KCNQ5: variants seen among roughly 807,000 people sequenced by gnomAD.
KCNQ5 encodes the protein potassium voltage-gated channel subfamily KQT member 5.
In KCNQ5, 30 loss-of-function variants were observed where a neutral mutation model predicts 98.2. That is an observed-to-expected ratio of 0.31 (90% CI 0.23 to 0.41). KCNQ5 has a LOEUF of 0.41. Ranked by LOEUF, KCNQ5 falls within the 10% of genes least tolerant of loss-of-function variation. KCNQ5 has a pLI of 1.00. For missense variants in KCNQ5, 835 were observed against 1,182.5 expected (o/e 0.71, Z 4.31); for synonymous variants, 458 against 449.4 (o/e 1.02, Z -0.24).
At chr6:72,787,026 A>T (rs867815159) in intron 1 of KCNQ5, among the ~76,000 whole-genome samples, 1 of 149,156 alleles carries the variant, frequency 6.7e-6, no homozygotes, top group Non-Finnish European at 1.5e-5. Flanking sequence ...AAAAAAAAAA[A>T]AAAGAAATGA....
intron 1 of KCNQ5, among the ~76,000 whole-genome samples, chr6:72,735,038 G>C (rs992600456): frequency 2.6e-5 from 4 of 152,160 alleles, no homozygotes; most frequent in African/African-American, 9.7e-5. Context: ...AAGGCCATTG[G>C]TTAGAAGAGA....
chr6:73,139,742 C>T (rs1244247203), intron 10 of KCNQ5, among the ~76,000 whole-genome samples: 2 of 152,114 alleles, frequency 1.3e-5, no homozygotes, highest in East Asian at 1.9e-4. Context: ...ATAATCCTTC[C>T]TCACATACAG....
chr6:73,063,721 T>TA (rs1554203585), intron 3 of KCNQ5, among the ~76,000 whole-genome samples: 23,979 of 93,394 alleles, frequency 0.26, 3,231 homozygotes, highest in African/African-American at 0.34. Flanking sequence ...GATAGATAGA[T>TA]GATAGATAGA....
At chr6:72,697,272 T>C (rs1159071462) in intron 1 of KCNQ5, among the ~76,000 whole-genome samples, 1 of 152,166 alleles carries the variant, frequency 6.6e-6, no homozygotes, top group African/African-American at 2.4e-5. Flanking sequence ...TTTATCCTAA[T>C]CTTACCAATT....
At position 73,166,876 on chromosome 6, in the gene KCNQ5, T is replaced by C. The variant is rs1777825067; in HGVS notation, c.1469-2870T>C. On this transcript the variant is annotated intron_variant, in intron 10 of 13. Coordinates refer to ENST00000370398, the MANE Select transcript of KCNQ5 (RefSeq NM_019842.4). ...GTCCCTATGTCTTTGCCTTTTCTGT[T>C]TCATAAAGACATTTTTGCTGCATTT... 2.6e-5 allele frequency among the ~76,000 whole-genome samples: 4 copies of C among 152,226 alleles called. 1 individual carries two copies. The highest frequency in any genetic ancestry group is 9.7e-5 in the African/African-American group (4 of 41,442).
chr6:73,143,875 C>A (rs1776817359), intron 10 of KCNQ5, among the ~76,000 whole-genome samples: 1 of 152,132 alleles, frequency 6.6e-6, no homozygotes, highest in Non-Finnish European at 1.5e-5. Flanking sequence ...TGGGTGACGT[C>A]CAAAATTCGC....
intron 1 of KCNQ5, among the ~76,000 whole-genome samples, chr6:72,629,961 C>T (rs551719715): frequency 6.6e-6 from 1 of 151,770 alleles, no homozygotes; most frequent in African/African-American, 2.4e-5. Context: ...AGTGAGCTTC[C>T]CAAATGTTAT....
Position 72,622,267 on chromosome 6 carries a change from G to A in KCNQ5, c.78G>A (p.Ala26=). ...LWVKSGAAAA[A]AGGGRLGSGM... ...TGAAGAGCGGCGCAGCGGCGGCGGCGGCGGGCGGGGGGCGCTTGGGCAGCG... is the reference window on the plus strand; with the variant it reads ...TGAAGAGCGGCGCAGCGGCGGCGGCAGCGGGCGGGGGGCGCTTGGGCAGCG... Residue 26 remains alanine (A), a synonymous_variant, in exon 1 of 14, where the codon GCG becomes GCA. Transcript: ENST00000370398. The surrounding 1 kb of genome is among the most constrained non-coding windows in gnomAD (Gnocchi z 6.0). The A allele has an allele frequency of 7.9e-7, 1 of 1,269,702 alleles. No individual in the cohort carries two copies. The highest frequency in any genetic ancestry group is 9.9e-7 in the Non-Finnish European group (1 of 1,011,860). 78.7% of individuals were successfully genotyped at this position (1,269,702 alleles called of 1,614,324 possible).
intron 6 of KCNQ5, among the ~76,000 whole-genome samples, chr6:73,110,113 A>C (rs1368498723): frequency 6.6e-6 from 1 of 152,214 alleles, no homozygotes; most frequent in Non-Finnish European, 1.5e-5. Context: ...CTACTCTAAA[A>C]ATAAAAAGAA....
At chr6:72,892,496 G>A (rs1779095951) in intron 1 of KCNQ5, among the ~76,000 whole-genome samples, 1 of 152,160 alleles carries the variant, frequency 6.6e-6, no homozygotes, top group Non-Finnish European at 1.5e-5. Context: ...CTTCACTACA[G>A]ATGTACCTCT....
At chr6:72,818,778 T>C (rs950873882) in intron 1 of KCNQ5, among the ~76,000 whole-genome samples, 1 of 151,180 alleles carries the variant, frequency 6.6e-6, no homozygotes, top group Non-Finnish European at 1.5e-5. Flanking sequence ...AATTTAAATT[T>C]TTAAGTTTTA....
chr6:73,099,709 A>G (rs1774680142), intron 5 of KCNQ5, among the ~76,000 whole-genome samples: 1 of 152,224 alleles, frequency 6.6e-6, no homozygotes, highest in African/African-American at 2.4e-5. Context: ...AAAGAGAGAG[A>G]CATACCCCAA....
intron 1 of KCNQ5, among the ~76,000 whole-genome samples, chr6:72,751,591 T>G (rs1462874753): frequency 1.3e-5 from 2 of 152,106 alleles, no homozygotes; most frequent in Non-Finnish European, 2.9e-5. Context: ...ATATCATCAC[T>G]TTAATATAGC....
At chr6:72,987,089 G>T in intron 1 of KCNQ5, 1 of 675,086 alleles carries the variant, frequency 1.5e-6, no homozygotes, top group South Asian at 1.8e-5. Flanking sequence ...GTAAAACGAA[G>T]CCAAAGTTGA....
intron 1 of KCNQ5, among the ~76,000 whole-genome samples, chr6:72,886,151 G>A (rs1167672019): frequency 6.6e-6 from 1 of 152,230 alleles, no homozygotes; most frequent in Non-Finnish European, 1.5e-5. Flanking sequence ...AAAGATTGCA[G>A]ATAGTGTGTC....
chr6:72,902,147 G>A (rs561385858), intron 1 of KCNQ5, among the ~76,000 whole-genome samples: 1 of 152,172 alleles, frequency 6.6e-6, no homozygotes, highest in South Asian at 2.1e-4. Context: ...CAGCTTGGTC[G>A]CTGTTGGTAT....
At chr6:73,001,683 C>T (rs903289400) in intron 1 of KCNQ5, among the ~76,000 whole-genome samples, 1 of 152,200 alleles carries the variant, frequency 6.6e-6, no homozygotes, top group Admixed American at 6.5e-5. Context: ...TCTGATGCCA[C>T]ATCATCCTCC....
chr6:72,913,367 G>A (rs1439855502), intron 1 of KCNQ5, among the ~76,000 whole-genome samples: 3 of 152,016 alleles, frequency 2.0e-5, no homozygotes, highest in Non-Finnish European at 4.4e-5. Context: ...GTAGTAAGTG[G>A]CACCATGTCA....
intron 1 of KCNQ5, among the ~76,000 whole-genome samples, chr6:72,864,710 A>T (rs866785302): frequency 6.6e-6 from 1 of 152,268 alleles, no homozygotes; most frequent in Middle Eastern, 3.4e-3. Flanking sequence ...GTCTTAGCAC[A>T]ATTTTAGGCT....
Sources: allele counts gnomAD v4.1 joint callset (sites outside exome capture counted in the v4.1 genomes callset), GRCh38; gene constraint gnomAD v4.1.1; non-coding constraint Gnocchi (gnomAD v3.1); transcripts MANE v1.5; gene names NCBI Gene and HGNC (gene_info 2026-07-23, HGNC 2026-07-21).